CCNY: variants seen among roughly 807,000 people sequenced by gnomAD.
The protein encoded by CCNY is cyclin Y, also known as cyclin-Y.
In CCNY, 19 loss-of-function variants were observed where a neutral mutation model predicts 42.8. The observed-to-expected ratio is 0.44, with a 90% CI of 0.31 to 0.65. CCNY has a LOEUF of 0.65. CCNY is among the 30% of genes least tolerant of loss of function. CCNY has a pLI of 0.07. For missense variants in CCNY, 370 were observed against 437.3 expected, an observed-to-expected ratio of 0.85 and a Z score of 1.37; for synonymous variants, 165 against 162.7, an observed-to-expected ratio of 1.01 and a Z score of -0.11.
intron 1 of CCNY, among the ~76,000 whole-genome samples, chr10:35,408,844 A>T (rs1837840836): frequency 6.6e-6 from 1 of 152,182 alleles, no homozygotes; most frequent in African/African-American, 2.4e-5. Flanking sequence ...TGGGGTAAGC[A>T]GAGGTTTACG....
chr10:35,400,989 T>C (rs1837631327), intron 1 of CCNY, among the ~76,000 whole-genome samples: 1 of 152,222 alleles, frequency 6.6e-6, no homozygotes, highest in Admixed American at 6.5e-5. Flanking sequence ...TTCTCAAATG[T>C]ACACTTTGTG....
intron 3 of CCNY, chr10:35,314,700 A>G (rs1219695515): frequency 6.6e-6 from 1 of 152,082 alleles, no homozygotes; most frequent in Non-Finnish European, 1.5e-5. Context: ...AATGTCTATA[A>G]GATTGCATTT....
chr10:35,329,410 T>C (rs941974467), intron 3 of CCNY, among the ~76,000 whole-genome samples: 1 of 151,372 alleles, frequency 6.6e-6, no homozygotes, highest in Admixed American at 6.6e-5. Context: ...TAAAAAAAAA[T>C]TTTTTCATCC....
intron 3 of CCNY, among the ~76,000 whole-genome samples, chr10:35,271,471 G>A (rs559280998): frequency 6.6e-6 from 1 of 152,134 alleles, no homozygotes; most frequent in South Asian, 2.1e-4. Context: ...TTCTGGCAGG[G>A]GGAAGGGAAA....
At chr10:35,567,002 A>C (rs571554926) in intron 9 of CCNY, among the ~76,000 whole-genome samples, 1 of 152,182 alleles carries the variant, frequency 6.6e-6, no homozygotes, top group East Asian at 1.9e-4. Context: ...ATGAGCCACC[A>C]CAATTCTATT....
intron 3 of CCNY, among the ~76,000 whole-genome samples, chr10:35,252,847 A>G (rs1228780923): frequency 3.3e-5 from 5 of 152,192 alleles, no homozygotes; most frequent in Non-Finnish European, 7.3e-5. Context: ...TTAATTCATT[A>G]AGAAACATTA....
At chr10:35,394,304 GT>G (rs1837477003) in intron 1 of CCNY, among the ~76,000 whole-genome samples, 1 of 152,206 alleles carries the variant, frequency 6.6e-6, no homozygotes, top group African/African-American at 2.4e-5. Context: ...ATAAGGATAG[GT>G]TAATGGTGAA....
At chr10:35,379,522 C>G (rs535399601) in intron 1 of CCNY, among the ~76,000 whole-genome samples, 1 of 152,296 alleles carries the variant, frequency 6.6e-6, no homozygotes, top group South Asian at 2.1e-4. Flanking sequence ...GACTTAGAAC[C>G]AGCGAGGGAA....
intron 3 of CCNY, among the ~76,000 whole-genome samples, chr10:35,310,777 A>G (rs1260412766): frequency 6.6e-6 from 1 of 152,194 alleles, no homozygotes; most frequent in Non-Finnish European, 1.5e-5. Flanking sequence ...GTTTTAAATT[A>G]TACATACACA....
chr10:35,367,468 GTTA>G (rs1435765357), intron 1 of CCNY, among the ~76,000 whole-genome samples: 7 of 152,178 alleles, frequency 4.6e-5, no homozygotes, highest in East Asian at 1.9e-4. Context: ...ATAGATATTA[GTTA>G]TTATTAATAA....
chr10:35,256,389 G>A (rs1322198771), intron 3 of CCNY, among the ~76,000 whole-genome samples: 2 of 151,918 alleles, frequency 1.3e-5, no homozygotes, highest in South Asian at 2.1e-4. Flanking sequence ...CATGGAGATC[G>A]CATTTAACTT....
At chr10:35,353,979 A>G (rs958076424) in intron 1 of CCNY, among the ~76,000 whole-genome samples, 1 of 152,100 alleles carries the variant, frequency 6.6e-6, no homozygotes, top group Non-Finnish European at 1.5e-5. Context: ...GCTGTAGTCA[A>G]CTCATGGCTC....
chr10:35,266,704 T>G (rs1182494386), intron 3 of CCNY, among the ~76,000 whole-genome samples: 1 of 152,028 alleles, frequency 6.6e-6, no homozygotes, highest in African/African-American at 2.4e-5. Flanking sequence ...TCATTAAGCG[T>G]TCTTATTTTT....
At chr10:35,390,416 G>A (rs1413818932) in intron 1 of CCNY, among the ~76,000 whole-genome samples, 1 of 152,148 alleles carries the variant, frequency 6.6e-6, no homozygotes, top group Non-Finnish European at 1.5e-5. Flanking sequence ...TATCTGTTGT[G>A]TTTATTTTGG....
chr10:35,255,676 C>T (rs1437603781), intron 3 of CCNY, among the ~76,000 whole-genome samples: 1 of 151,842 alleles, frequency 6.6e-6, no homozygotes, highest in Non-Finnish European at 1.5e-5. Context: ...CTTACTGTGG[C>T]CTCAACCTCC....
intron 8 of CCNY, among the ~76,000 whole-genome samples, chr10:35,565,773 G>A (rs1207526638): frequency 1.3e-5 from 2 of 152,214 alleles, no homozygotes; most frequent in Non-Finnish European, 2.9e-5. Flanking sequence ...TTAGATCTCA[G>A]TGAAGTGATT....
chr10:35,525,864 T>C (rs1018421689), intron 4 of CCNY, 100 bp from the exon 5 acceptor site: 10 of 1,026,234 alleles, frequency 9.7e-6, no homozygotes, highest in Admixed American at 6.8e-5. Context: ...TGTTAGACTT[T>C]TACTTCTGTT....
intron 3 of CCNY, among the ~76,000 whole-genome samples, chr10:35,516,211 C>T (rs1840423044): frequency 6.6e-6 from 1 of 152,182 alleles, no homozygotes; most frequent in South Asian, 2.1e-4. Flanking sequence ...ATGTTTCATA[C>T]AAGCCATGGG....
At chr10:35,388,028 C>G (rs1195709255) in intron 1 of CCNY, among the ~76,000 whole-genome samples, 1 of 152,126 alleles carries the variant, frequency 6.6e-6, no homozygotes, top group Non-Finnish European at 1.5e-5. Flanking sequence ...GGAAGCAGCC[C>G]CTTTGTGTGT....
Sources: allele counts gnomAD v4.1 joint callset (sites outside exome capture counted in the v4.1 genomes callset), GRCh38; gene constraint gnomAD v4.1.1; transcripts MANE v1.5; gene names NCBI Gene and HGNC (gene_info 2026-07-23, HGNC 2026-07-21).